The following KCNQ1 variants were observed in gnomAD, a reference collection of about 807,000 sequenced individuals.
The protein encoded by KCNQ1 is potassium voltage-gated channel subfamily KQT member 1.
KCNQ1 carries 49 observed loss-of-function variants against 72.4 expected under a neutral mutation model. The ratio of observed to expected loss-of-function variants is 0.68; its 90% CI spans 0.54 to 0.86. The LOEUF (loss-of-function observed/expected upper bound fraction) is 0.86. Among genes scored for constraint, KCNQ1 ranks in the 40% least tolerant of loss-of-function variants. KCNQ1 has a pLI of 0.00. For synonymous variants in KCNQ1, 450 were observed against 412.6 expected (o/e 1.09, Z -1.10); for missense variants, 790 against 945.1 (o/e 0.84, Z 2.15).
rs1846593099 is a variant in KCNQ1, at chr11:2,477,744, A to G, written c.386+32260A>G. 6.6e-6 allele frequency among the ~76,000 whole-genome samples: 1 copy of G among 151,996 alleles called. No homozygotes were observed. The highest frequency in any genetic ancestry group is 2.4e-5 in the African/African-American group (1 of 41,368). ...CCCATCTCTTTTTATTAAAAAAAAA[A>G]AAAAGACCATACATACACACATGCA... On this transcript the variant is annotated intron_variant, in intron 1 of 15. Transcript: ENST00000155840. The surrounding 1 kb of genome is among the most constrained non-coding windows in gnomAD (Gnocchi z 5.0).
intron 15 of KCNQ1, among the ~76,000 whole-genome samples, chr11:2,831,178 C>T (rs1035186874): frequency 1.3e-5 from 2 of 152,208 alleles, no homozygotes; most frequent in African/African-American, 4.8e-5. Context: ...GACAGGTGCT[C>T]TGTGATCAGC....
Position 2,491,855 on chromosome 11 carries a change from A to G in KCNQ1, c.387-36073A>G, listed in dbSNP as rs925152966. On this transcript the variant is annotated intron_variant, in intron 1 of 15. Coordinates refer to ENST00000155840, the MANE Select transcript of KCNQ1 (RefSeq NM_000218.3). The surrounding 1 kb of genome is among the most constrained non-coding windows in gnomAD (Gnocchi z 4.1). ...AAAAAAAGACTTATAATTGAACTCCATTATATCTGGCAGCAGAGTTTTCAA... is the reference window on the plus strand; with the variant it reads ...AAAAAAAGACTTATAATTGAACTCCGTTATATCTGGCAGCAGAGTTTTCAA... Among the ~76,000 whole-genome samples the G allele has an allele frequency of 2.0e-5, 3 of 152,216 alleles. No individual in the cohort carries two copies. The highest frequency in any genetic ancestry group is 4.8e-5 in the African/African-American group (2 of 41,460).
chr11:2,638,293 G>GT (rs1481221134), intron 10 of KCNQ1: 2 of 152,224 alleles, frequency 1.3e-5, no homozygotes, highest in African/African-American at 4.8e-5. Context: ...AATTTGTCAT[G>GT]TTTTTGCAGT....
At chr11:2,501,201 TTGAAG>T (rs1847004585) in intron 1 of KCNQ1, among the ~76,000 whole-genome samples, 2 of 150,506 alleles carry the variant, frequency 1.3e-5, no homozygotes. Flanking sequence ...ATACATGAAA[TTGAAG>T]TGAAGAAAAC....
chr11:2,805,617 CGTT>C (rs1267262093), intron 15 of KCNQ1, among the ~76,000 whole-genome samples: 2 of 152,178 alleles, frequency 1.3e-5, no homozygotes, highest in African/African-American at 4.8e-5. Context: ...AGAGTTGAGT[CGTT>C]GTAACAGAGA....
In KCNQ1 at chr11:2,773,742, G is replaced by T. The variant is rs146968056; in HGVS notation, c.1591-2218G>T. Among the ~76,000 whole-genome samples the T allele has an allele frequency of 5.1e-3, 661 of 130,518 alleles. 4 individuals carry two copies. The highest frequency in any genetic ancestry group is 0.018 in the African/African-American group (632 of 34,850). 85.6% of individuals were successfully genotyped at this position (130,518 alleles called of 152,430 possible). On this transcript the variant is annotated intron_variant, in intron 12 of 15. Coordinates refer to ENST00000155840, the MANE Select transcript of KCNQ1 (RefSeq NM_000218.3). ...CCATCTTCCAAAAGGGAGGATCAGG[G>T]CTCAATATCCCATCTTACAGAAAGG...
In KCNQ1 at chr11:2,828,316, G is replaced by A. The variant is rs1246322018; in HGVS notation, c.1795-19451G>A. Reference sequence around the variant, plus strand: ...GCTGAAAGCACTGGTTAAACGTGATGGGTAAACACATGTCTATTTCAGCTT... The same window carrying A: ...GCTGAAAGCACTGGTTAAACGTGATAGGTAAACACATGTCTATTTCAGCTT... On this transcript the variant is annotated intron_variant, in intron 15 of 15. Transcript: ENST00000155840. This position sits in a 1 kb window ranked among gnomAD's most constrained non-coding sequence, Gnocchi z 5.3. Among the ~76,000 whole-genome samples, 2 of 152,190 alleles carry A rather than the reference G, an allele frequency of 1.3e-5. No individual in the cohort carries two copies.
rs1259124583 is a variant in KCNQ1 at position 2,507,437 on chromosome 11, G to C, written c.387-20491G>C. On this transcript the variant is annotated intron_variant, in intron 1 of 15. Transcript: ENST00000155840. This position sits in a 1 kb window ranked among gnomAD's most constrained non-coding sequence, Gnocchi z 5.4. ...GTTTGCTCTAGAGGGTTTGAAGGAA[G>C]GGTGAGAAGTCAGGACCACTGCTGT... 2.0e-5 allele frequency among the ~76,000 whole-genome samples: 3 copies of C among 152,164 alleles called. 1 individual carries two copies. The highest frequency in any genetic ancestry group is 7.2e-5 in the African/African-American group (3 of 41,438).
rs559628423 is a variant in KCNQ1 at position 2,643,891 on chromosome 11, G to C, written c.1394-18070G>C. ...CAGTATTCCTGGCTGGCAGGTTTTT[G>C]GTTTTGTTTTTTCTTTCAGCACTCT... On this transcript the variant is annotated intron_variant, in intron 10 of 15. Coordinates refer to ENST00000155840, the MANE Select transcript of KCNQ1 (RefSeq NM_000218.3). 466 of 398,340 alleles carry C rather than the reference G, an allele frequency of 1.2e-3. No individual in the cohort carries two copies. Among genetic ancestry groups the C allele is most frequent in the Non-Finnish European group, 1.8e-3 (413 of 226,018 alleles). 24.7% of individuals were successfully genotyped at this position (398,340 alleles called of 1,614,324 possible). A position where few individuals can be genotyped will look rare whatever the true frequency, so the allele number is the denominator to read the frequency against.
At chr11:2,699,356 G>A (rs1185236434) in intron 11 of KCNQ1, 3 of 399,166 alleles carry the variant, frequency 7.5e-6, no homozygotes, top group Non-Finnish European at 1.3e-5. Flanking sequence ...CACCCGTCCC[G>A]CGCCGTCCGC....
chr11:2,645,467 T>C lies in KCNQ1; in HGVS notation c.1394-16494T>C, dbSNP rs1849651927. On this transcript the variant is annotated intron_variant, in intron 10 of 15. Transcript: ENST00000155840. This position sits in a 1 kb window ranked among gnomAD's most constrained non-coding sequence, Gnocchi z 5.8. ...TGGTAGGCAGGCACAGGAAGATCCC[T>C]GTATACCCTGCTGAATGCTCATGTT... 2.5e-6 allele frequency: 1 copy of C among 398,608 alleles called. No individual in the cohort carries two copies. The highest frequency in any genetic ancestry group is 4.4e-5 in the Admixed American group (1 of 22,724). The allele number at this position is 398,608 out of a possible 1,614,324, so 24.7% of individuals were successfully genotyped here. A position where few individuals can be genotyped will look rare whatever the true frequency, so the allele number is the denominator to read the frequency against.
chr11:2,635,614 G>T (rs1243159514), intron 10 of KCNQ1: 1 of 152,146 alleles, frequency 6.6e-6, no homozygotes, highest in Admixed American at 6.5e-5. Context: ...GTCAGGTAGC[G>T]TGATGCCTCC....
Position 2,769,418 on chromosome 11 carries a change from T to G in KCNQ1, c.1590+499T>G, listed in dbSNP as rs866507323. Reference sequence around the variant, plus strand: ...GGGAGGATGGAGGGAGGCTGGGCCCTGCTCTGTAAGAGGTGGGGTCCCCTT... The same window carrying G: ...GGGAGGATGGAGGGAGGCTGGGCCCGGCTCTGTAAGAGGTGGGGTCCCCTT... On this transcript the variant is annotated intron_variant, in intron 12 of 15. Transcript: ENST00000155840. The surrounding 1 kb of genome is among the most constrained non-coding windows in gnomAD (Gnocchi z 4.6). Among the ~76,000 whole-genome samples the G allele has an allele frequency of 3.3e-5, 5 of 152,164 alleles. No individual in the cohort carries two copies. Among genetic ancestry groups the G allele is most frequent in the Non-Finnish European group, 7.4e-5 (5 of 68,026 alleles).
chr11:2,500,143 T>C (rs179402), intron 1 of KCNQ1, among the ~76,000 whole-genome samples: 1 of 152,272 alleles, frequency 6.6e-6, no homozygotes, highest in Non-Finnish European at 1.5e-5. Context: ...GAAACACAAC[T>C]TACCAAAACC....
At chr11:2,528,745 C>T (rs543607809) in intron 2 of KCNQ1, among the ~76,000 whole-genome samples, 3 of 152,336 alleles carry the variant, frequency 2.0e-5, no homozygotes, top group East Asian at 1.9e-4. Flanking sequence ...GTTCTAGTAT[C>T]TACAAAGGAA....
chr11:2,501,783 G>A (rs1415786520), intron 1 of KCNQ1, among the ~76,000 whole-genome samples: 1 of 137,120 alleles, frequency 7.3e-6, no homozygotes, highest in Non-Finnish European at 1.6e-5. Flanking sequence ...AAATATTGAT[G>A]CAAAAATCCT....
In KCNQ1 at chr11:2,572,000, A is replaced by G. The variant is rs1217945736; in HGVS notation, c.684-13A>G. 3 of 1,609,092 alleles carry G rather than the reference A, an allele frequency of 1.9e-6. No individual in the cohort carries two copies. The South Asian group carries it at 3.3e-5, about 18-fold the overall frequency. On this transcript the variant is annotated splice_polypyrimidine_tract_variant and intron_variant, in intron 4 of 15. Coordinates refer to ENST00000155840, the MANE Select transcript of KCNQ1 (RefSeq NM_000218.3). ...AGCCTGGCTCCCTCAGCCCCACACCATCTCCTTCGCAGGGGCATCCGCTTC... is the reference window on the plus strand; with the variant it reads ...AGCCTGGCTCCCTCAGCCCCACACCGTCTCCTTCGCAGGGGCATCCGCTTC...
chr11:2,837,317 G>A (rs999894077), intron 15 of KCNQ1, among the ~76,000 whole-genome samples: 6 of 152,132 alleles, frequency 3.9e-5, no homozygotes, highest in Admixed American at 2.6e-4. Context: ...AGCTGGGGAC[G>A]AGGGGCCTCA....
chr11:2,661,317 G>A lies in KCNQ1; in HGVS notation c.1394-644G>A. On this transcript the variant is annotated intron_variant, in intron 10 of 15. Coordinates refer to ENST00000155840, the MANE Select transcript of KCNQ1 (RefSeq NM_000218.3). This position sits in a 1 kb window ranked among gnomAD's most constrained non-coding sequence, Gnocchi z 5.9. ...ATAGTGTCAACAGAGAGTGGGGAGTGATAAGGATCAGTATCCTGAGCTCCT... is the reference window on the plus strand; with the variant it reads ...ATAGTGTCAACAGAGAGTGGGGAGTAATAAGGATCAGTATCCTGAGCTCCT... 2.5e-6 allele frequency: 1 copy of A among 402,072 alleles called. No homozygotes were observed. Among genetic ancestry groups the A allele is most frequent in the East Asian group, 3.6e-5 (1 of 28,150 alleles). 24.9% of individuals were successfully genotyped at this position (402,072 alleles called of 1,614,324 possible). A position where few individuals can be genotyped will look rare whatever the true frequency, so the allele number is the denominator to read the frequency against.
Sources: gnomAD v4.1 joint callset for allele counts (sites outside exome capture counted in the v4.1 genomes callset) on GRCh38, gnomAD v4.1.1 for gene constraint, Gnocchi (gnomAD v3.1) non-coding constraint, MANE v1.5 for transcripts, NCBI Gene and HGNC (gene_info 2026-07-23, HGNC 2026-07-21) for gene names.